The following DDX42 variants were observed in gnomAD, a reference collection of about 807,000 sequenced individuals.
DDX42 encodes the protein ATP-dependent RNA helicase DDX42.
DDX42 carries 22 observed loss-of-function variants against 101.5 expected under a neutral mutation model. The ratio of observed to expected loss-of-function variants is 0.22; its 90% CI spans 0.15 to 0.31. The LOEUF (loss-of-function observed/expected upper bound fraction) is 0.31, where lower values mean the gene tolerates loss of function less well. Among genes scored for constraint, DDX42 ranks in the 10% least tolerant of loss-of-function variants. DDX42 has a pLI of 1.00. For synonymous variants in DDX42, 402 were observed against 401.2 expected (o/e 1.00, Z -0.02); for missense variants, 849 against 1,199.9 (o/e 0.71, Z 4.32).
rs777641193 is a variant in DDX42 at position 63,818,415 on chromosome 17, C to T, written c.*17C>T. On this transcript the variant is annotated 3_prime_UTR_variant, in exon 18 of 18. Coordinates refer to ENST00000389924, the MANE Select transcript of DDX42 (RefSeq NM_203499.3). ...GACAGTTAGAGGGGATGTGCTAAAGCGTGAAATCAGTTGTCCTTAATTTTT... is the reference window on the plus strand; with the variant it reads ...GACAGTTAGAGGGGATGTGCTAAAGTGTGAAATCAGTTGTCCTTAATTTTT... The T allele has an allele frequency of 5.0e-6, 8 of 1,600,050 alleles. No individual in the cohort carries two copies. The highest frequency in any genetic ancestry group is 3.3e-5 in the South Asian group (3 of 90,242).
intron 4 of DDX42, among the ~76,000 whole-genome samples, chr17:63,798,664 C>CT (rs2039723292): frequency 6.6e-6 from 1 of 152,146 alleles, no homozygotes; most frequent in Non-Finnish European, 1.5e-5. Context: ...TGACATTGTG[C>CT]TGTAGCAGCC....
chr17:63,801,345 G>T (rs1389836070), intron 6 of DDX42, among the ~76,000 whole-genome samples: 1 of 151,926 alleles, frequency 6.6e-6, no homozygotes, highest in Non-Finnish European at 1.5e-5. Context: ...GTGAGCCACC[G>T]CACCCAGCCT....
intron 1 of DDX42, chr17:63,774,682 C>T (rs1028216229): frequency 5.9e-5 from 9 of 152,530 alleles, no homozygotes; most frequent in African/African-American, 2.2e-4. Flanking sequence ...GGGTGCCCGG[C>T]TCCAGGGCAG....
intron 13 of DDX42, 50 bp from the exon 14 acceptor site, chr17:63,811,882 G>A (rs765509550): frequency 2.5e-6 from 4 of 1,612,348 alleles, no homozygotes; most frequent in Non-Finnish European, 3.4e-6. Flanking sequence ...TTGTTCAGGT[G>A]CCCTGTGGCT....
intron 3 of DDX42, among the ~76,000 whole-genome samples, chr17:63,796,228 T>C (rs1032710330): frequency 1.3e-5 from 2 of 152,216 alleles, no homozygotes; most frequent in African/African-American, 4.8e-5. Flanking sequence ...GGTTTAAATG[T>C]AGATTTATGG....
rs562399826 is a variant in DDX42, at chr17:63,785,457, A to G, written c.-16-1577A>G. The stretch of plus-strand genomic sequence containing the variant: ...AGATCAAGGCTCTGTCTCAAAAAAC[A>G]AAAAACAAAAAAATTTTTTTTGGGC... On this transcript the variant is annotated intron_variant, in intron 1 of 17. Transcript: ENST00000389924. Among the ~76,000 whole-genome samples the G allele has an allele frequency of 5.3e-5, 8 of 149,676 alleles. No individual in the cohort carries two copies. In the East Asian group the frequency reaches 1.6e-3, roughly 30 times the overall value.
Position 63,818,298 on chromosome 17 carries a change from G to T in DDX42, c.2717G>T (p.Ser906Ile). 6.2e-7 allele frequency: 1 copy of T among 1,614,056 alleles called. No individual in the cohort carries two copies. ...CCCAAGATGGAACCCAAAGTGGACA[G>T]CAGCAAGATGGACAAGGTGGACAGC... is the stretch of plus-strand genomic sequence containing the variant. ...MEPKMEPKVDSSKMDKVDSKT... is the reference protein window; with the variant it reads ...MEPKMEPKVDISKMDKVDSKT... Residue 906 changes from serine to isoleucine, a missense_variant, in exon 18 of 18, where the codon AGC becomes ATC. Ser to Ile is a moderately radical substitution (Grantham distance 142). Transcript: ENST00000389924.
chr17:63,801,320 G>T (rs1199974482), intron 6 of DDX42, among the ~76,000 whole-genome samples: 3 of 152,048 alleles, frequency 2.0e-5, no homozygotes, highest in African/African-American at 7.3e-5. Flanking sequence ...CTCCCAAAGC[G>T]CTGGGATTAC....
rs1376128441 is a variant in DDX42, at chr17:63,789,314, G to GGT, written c.221+2046_221+2047dup. Among the ~76,000 whole-genome samples the GGT allele has an allele frequency of 3.3e-5, 5 of 151,604 alleles. No homozygotes were observed. The East Asian group carries it at 9.7e-4, about 29-fold the overall frequency. ...GGCTGGCCTCGAACTCCTGACCTCA[G>GGT]GTGATCCACCCGCCTCAGCCTCCCA... On this transcript the variant is annotated intron_variant, in intron 2 of 17. Coordinates refer to ENST00000389924, the MANE Select transcript of DDX42 (RefSeq NM_203499.3).
chr17:63,810,443 A>G, intron 11 of DDX42, 70 bp from the exon 12 acceptor site: 2 of 1,518,828 alleles, frequency 1.3e-6, no homozygotes, highest in Non-Finnish European at 1.8e-6. Flanking sequence ...ACTTTTACTA[A>G]TATGGCTTTT....
At chr17:63,785,536 A>G (rs1172004655) in intron 1 of DDX42, among the ~76,000 whole-genome samples, 9 of 149,062 alleles carry the variant, frequency 6.0e-5, no homozygotes, top group East Asian at 2.0e-4. Flanking sequence ...CAGATGTGAG[A>G]GGGGGGGGTC....
chr17:63,794,673 C>T (rs890896504), intron 3 of DDX42, among the ~76,000 whole-genome samples: 2 of 151,472 alleles, frequency 1.3e-5, no homozygotes, highest in Non-Finnish European at 2.9e-5. Context: ...CAGTGGCTCA[C>T]GGCTCACATT....
chr17:63,818,770 C>T lies in DDX42; in HGVS notation c.*372C>T, dbSNP rs187219233. 6.0e-6 allele frequency: 1 copy of T among 167,960 alleles called. No homozygotes were observed. Among genetic ancestry groups the T allele is most frequent in the Non-Finnish European group, 1.3e-5 (1 of 76,380 alleles). 10.4% of individuals were successfully genotyped at this position (167,960 alleles called of 1,614,324 possible). ...CTTATAAGCATCTATAAATTGACTT[C>T]TTTTTCTTAGTTGTATGGCCAGGCA... On this transcript the variant is annotated 3_prime_UTR_variant, in exon 18 of 18. Transcript: ENST00000389924.
intron 6 of DDX42, among the ~76,000 whole-genome samples, chr17:63,803,586 A>AC (rs1430596695): frequency 2.0e-5 from 3 of 149,624 alleles, no homozygotes; most frequent in African/African-American, 7.4e-5. Flanking sequence ...AAAAAAAAAA[A>AC]GGTATCTGAA....
At chr17:63,789,247 T>G (rs1014530435) in intron 2 of DDX42, among the ~76,000 whole-genome samples, 20 of 151,580 alleles carry the variant, frequency 1.3e-4, no homozygotes, top group African/African-American at 4.8e-4. Context: ...CCCAGCTGAT[T>G]TTTGTATTTT....
At chr17:63,796,982 A>G (rs575660098) in intron 3 of DDX42, among the ~76,000 whole-genome samples, 2 of 152,332 alleles carry the variant, frequency 1.3e-5, no homozygotes, top group Admixed American at 6.5e-5. Context: ...ATAGTGAGAA[A>G]AAGTTGTGCA....
intron 1 of DDX42, among the ~76,000 whole-genome samples, chr17:63,782,507 A>G (rs2039500939): frequency 6.6e-6 from 1 of 152,038 alleles, no homozygotes; most frequent in Non-Finnish European, 1.5e-5. Context: ...TTAGGTTTCC[A>G]TCTCCATTAG....
In DDX42 at chr17:63,807,816, T is replaced by C; in HGVS notation, c.939T>C (p.Ile313=). Residue 313 remains isoleucine (I), a synonymous_variant, in exon 9 of 18, where the codon ATT becomes ATC. Transcript: ENST00000389924. ...CAGCCTTCATTTGGCCCATGTTGAT[T>C]CATATAATGGACCAGAAGGAGTTGG... ...KTAAFIWPML[I]HIMDQKELEP... The C allele has an allele frequency of 1.2e-6, 2 of 1,614,140 alleles. No individual in the cohort carries two copies. The highest frequency in any genetic ancestry group is 1.7e-6 in the Non-Finnish European group (2 of 1,180,014).
chr17:63,788,265 G>A (rs976260786), intron 2 of DDX42, among the ~76,000 whole-genome samples: 4 of 149,970 alleles, frequency 2.7e-5, no homozygotes, highest in Non-Finnish European at 2.9e-5. Flanking sequence ...AACACAGGCC[G>A]TTGTCAGAAC....
Sources: gnomAD v4.1 joint callset for allele counts (sites outside exome capture counted in the v4.1 genomes callset) on GRCh38, gnomAD v4.1.1 for gene constraint, MANE v1.5 for transcripts, NCBI Gene and HGNC (gene_info 2026-07-23, HGNC 2026-07-21) for gene names.